The following TRAPPC2L variants were observed in gnomAD, a reference collection of about 807,000 sequenced individuals.
TRAPPC2L encodes trafficking protein particle complex subunit 2-like protein.
A neutral mutation model predicts 13.2 loss-of-function variants in TRAPPC2L; 17 were observed. The ratio of observed to expected loss-of-function variants is 1.29; its 90% CI spans 0.88 to 1.93. The LOEUF (loss-of-function observed/expected upper bound fraction) is 1.93. Ranked by LOEUF, TRAPPC2L falls within the 30% of genes most tolerant of loss-of-function variation. TRAPPC2L has a pLI of 0.00. For synonymous variants in TRAPPC2L, 150 were observed against 98.1 expected, an observed-to-expected ratio of 1.53 and a Z score of -3.12; for missense variants, 359 against 252.1, an observed-to-expected ratio of 1.42 and a Z score of -2.87.
chr16:88,856,911 G>C, upstream of TRAPPC2L: 2 of 1,496,658 alleles, frequency 1.3e-6, no homozygotes, highest in Non-Finnish European at 1.8e-6. Flanking sequence ...CCCGGCCAGC[G>C]AGCCGACCTA....
intron 2 of TRAPPC2L, chr16:88,859,040 A>G: frequency 1.9e-6 from 1 of 537,536 alleles, no homozygotes. Context: ...TCTGGTTTGC[A>G]GAGGAAGTGG....
chr16:88,856,930 C>A, upstream of TRAPPC2L: 1 of 1,471,982 alleles, frequency 6.8e-7, no homozygotes, highest in Non-Finnish European at 8.9e-7. Flanking sequence ...TAGCGAGCGT[C>A]CGCCGGCCCT....
intron 1 of TRAPPC2L, among the ~76,000 whole-genome samples, chr16:88,858,297 T>A (rs1968117461): frequency 6.6e-6 from 1 of 152,144 alleles, no homozygotes; most frequent in Non-Finnish European, 1.5e-5. Context: ...TGAGGCAGAG[T>A]GGCCTCCAGG....
At chr16:88,858,551 C>T (rs922184086) in intron 1 of TRAPPC2L, 68 bp from the exon 2 acceptor site, 2 of 1,548,182 alleles carry the variant, frequency 1.3e-6, no homozygotes, top group South Asian at 1.2e-5. Context: ...GGCTCTGCAG[C>T]ATAGTTCAGA....
chr16:88,857,811 T>G (rs1968064175), intron 1 of TRAPPC2L, among the ~76,000 whole-genome samples: 1 of 152,186 alleles, frequency 6.6e-6, no homozygotes, highest in Admixed American at 6.5e-5. Flanking sequence ...CCCACATACA[T>G]TTCAACTGGA....
At chr16:88,857,774 C>A (rs1380170001) in intron 1 of TRAPPC2L, among the ~76,000 whole-genome samples, 1 of 152,228 alleles carries the variant, frequency 6.6e-6, no homozygotes, top group Non-Finnish European at 1.5e-5. Flanking sequence ...CGGAACACCT[C>A]TCCCCAGCTC....
exon 4 of TRAPPC2L, chr16:88,860,241 G>C (rs942566502): frequency 1.4e-6 from 1 of 702,430 alleles, no homozygotes; most frequent in Admixed American, 2.0e-5. Context: ...GTGCCCAGTG[G>C]GTACCTGGGG....
upstream of TRAPPC2L, chr16:88,856,948 G>A: frequency 2.8e-6 from 4 of 1,443,018 alleles, no homozygotes; most frequent in Non-Finnish European, 3.6e-6. Flanking sequence ...CCTTCCGGCT[G>A]GGCTGCGGGG....
At chr16:88,859,926 G>A (rs1322439935) in exon 4 of TRAPPC2L, 8 of 1,547,432 alleles carry the variant, frequency 5.2e-6, no homozygotes, top group African/African-American at 2.2e-5. Context: ...CTACACAGAC[G>A]TGATGTGCAA....
chr16:88,856,369 T>G (rs1597612492), upstream of TRAPPC2L: 1 of 701,610 alleles, frequency 1.4e-6, no homozygotes, highest in African/African-American at 1.7e-5. Flanking sequence ...GAGGCCACGC[T>G]GCGCGCCCAC....
intron 1 of TRAPPC2L, 154 bp downstream of exon 1, chr16:88,857,337 G>T (rs184714254): frequency 1.5e-5 from 10 of 669,134 alleles, no homozygotes. Context: ...CGCGGTGGAC[G>T]AGCCGCCAGG....
chr16:88,857,505 C>G (rs189892125), intron 1 of TRAPPC2L: 7 of 363,370 alleles, frequency 1.9e-5, no homozygotes, highest in African/African-American at 1.1e-4. Context: ...TGCCCGTTCT[C>G]CCGTCCAGCG....
At chr16:88,860,471 C>A (rs1968308331) in exon 4 of TRAPPC2L, 1 of 603,506 alleles carries the variant, frequency 1.7e-6, no homozygotes, top group Non-Finnish European at 2.9e-6. Flanking sequence ...CAGTGAGTCC[C>A]CAGTTCCAAG....
chr16:88,861,249 G>A, exon 4 of TRAPPC2L: 2 of 463,870 alleles, frequency 4.3e-6, no homozygotes, highest in South Asian at 4.3e-5. Flanking sequence ...AAGGGGCAGA[G>A]GCAGGGGTGC....
At chr16:88,861,143 G>A (rs1418051016) in exon 4 of TRAPPC2L, 1 of 623,220 alleles carries the variant, frequency 1.6e-6, no homozygotes, top group South Asian at 1.9e-5. Context: ...TGTCAGCCAA[G>A]GATTTAATTA....
upstream of TRAPPC2L, chr16:88,856,854 C>T (rs904615956): frequency 6.6e-6 from 10 of 1,511,322 alleles, no homozygotes; most frequent in African/African-American, 8.7e-5. Context: ...GCCACCACCT[C>T]GTCGCCGCGA....
At position 88,859,475 on chromosome 16, in the gene TRAPPC2L, C is replaced by T. The variant is rs940994028; in HGVS notation, c.207-188C>T. On this transcript the variant is annotated intron_variant, in intron 2 of 3. Coordinates refer to ENST00000565504, the Ensembl canonical transcript of TRAPPC2L. The stretch of plus-strand genomic sequence containing the variant: ...CTTGGCTGCCTGCTCTTCGCTTCTC[C>T]TGCAAACACCAGACGTCGCCCTAGC... 6.6e-5 allele frequency: 47 copies of T among 714,470 alleles called. No individual in the cohort carries two copies. In the African/African-American group the frequency reaches 8.0e-4, roughly 12 times the overall value. The allele number at this position is 714,470 out of a possible 1,614,324, so 44.3% of individuals were successfully genotyped here. A position where few individuals can be genotyped will look rare whatever the true frequency, so the allele number is the denominator to read the frequency against.
chr16:88,858,816 TC>T (rs764425581), intron 2 of TRAPPC2L, 25 bp downstream of exon 2: 256 of 1,602,284 alleles, frequency 1.6e-4, no homozygotes, highest in Non-Finnish European at 2.1e-4. Context: ...AGGGTGTGTG[TC>T]AGGGAGGACC....
exon 4 of TRAPPC2L, chr16:88,861,075 C>G (rs1968356650): frequency 1.0e-6 from 1 of 998,940 alleles, no homozygotes; most frequent in East Asian, 2.6e-5. Context: ...GGGCAGGCAG[C>G]TGTGCATGTT....
Sources: gnomAD v4.1 joint callset for allele counts (sites outside exome capture counted in the v4.1 genomes callset) on GRCh38, gnomAD v4.1.1 for gene constraint, MANE v1.5 for transcripts, NCBI Gene and HGNC (gene_info 2026-07-23, HGNC 2026-07-21) for gene names.